Variants in ARB2A observed in about 807,000 individuals in gnomAD.
ARB2A encodes the protein cotranscriptional regulator ARB2A.
the ARB2A span, chr5:93,741,506 C>G: frequency 6.2e-7 from 1 of 1,611,000 alleles, no homozygotes; most frequent in Non-Finnish European, 8.5e-7. Context: ...CCTCTGGGGC[C>G]GCCCCCACCA....
chr5:93,974,630 A>G, the ARB2A span, among the ~76,000 whole-genome samples: 4 of 152,222 alleles, frequency 2.6e-5, no homozygotes, highest in Non-Finnish European at 4.4e-5. Context: ...ACTCCACCCA[A>G]CAACAACAAA....
chr5:93,696,107 C>T, the ARB2A span, among the ~76,000 whole-genome samples: 2 of 152,012 alleles, frequency 1.3e-5, no homozygotes, highest in African/African-American at 4.8e-5. Flanking sequence ...ATGGGTGCAG[C>T]AAACCACCGT....
At chr5:93,942,560 A>G in the ARB2A span, among the ~76,000 whole-genome samples, 1 of 151,892 alleles carries the variant, frequency 6.6e-6, no homozygotes, top group Non-Finnish European at 1.5e-5. Flanking sequence ...CATTCAAAGG[A>G]GCTGCTTGCA....
chr5:93,928,960 A>G, the ARB2A span, among the ~76,000 whole-genome samples: 1 of 152,084 alleles, frequency 6.6e-6, no homozygotes, highest in Non-Finnish European at 1.5e-5. Context: ...ACTTCAATGT[A>G]CCACGAAGTC....
chr5:93,751,092 T>A, the ARB2A span, among the ~76,000 whole-genome samples: 2 of 152,162 alleles, frequency 1.3e-5, no homozygotes, highest in Non-Finnish European at 2.9e-5. Context: ...TTAAAAAGTC[T>A]CATTTATAGA....
chr5:93,824,925 G>A, the ARB2A span, among the ~76,000 whole-genome samples: 1 of 152,158 alleles, frequency 6.6e-6, no homozygotes, highest in Non-Finnish European at 1.5e-5. Flanking sequence ...AAAATGCCTT[G>A]GGCATCCCCC....
At chr5:93,948,173 T>G in the ARB2A span, among the ~76,000 whole-genome samples, 2 of 152,282 alleles carry the variant, frequency 1.3e-5, no homozygotes, top group South Asian at 2.1e-4. Flanking sequence ...CTCCAGCACC[T>G]GTTGTTTCCT....
chr5:94,032,468 A>G, the ARB2A span, among the ~76,000 whole-genome samples: 3 of 152,198 alleles, frequency 2.0e-5, no homozygotes, highest in East Asian at 5.8e-4. Flanking sequence ...GTGCTAAACC[A>G]TTCAGGAGAA....
chr5:93,917,551 GA>G, the ARB2A span, among the ~76,000 whole-genome samples: 5 of 151,380 alleles, frequency 3.3e-5, no homozygotes, highest in African/African-American at 9.7e-5. Flanking sequence ...TTACTGCAAA[GA>G]AAAAAAAATT....
At chr5:93,802,769 A>G in the ARB2A span, among the ~76,000 whole-genome samples, 1 of 152,144 alleles carries the variant, frequency 6.6e-6, no homozygotes, top group Non-Finnish European at 1.5e-5. Context: ...GCCATTTACA[A>G]TAAATTCTGG....
chr5:94,085,017 T>A, the ARB2A span, among the ~76,000 whole-genome samples: 1 of 152,126 alleles, frequency 6.6e-6, no homozygotes, highest in Non-Finnish European at 1.5e-5. Flanking sequence ...AGTCCGACAA[T>A]ACCAAAAGTT....
the ARB2A span, among the ~76,000 whole-genome samples, chr5:93,730,794 TA>T: frequency 1.2e-4 from 18 of 152,262 alleles, no homozygotes; most frequent in Admixed American, 1.0e-3. Context: ...TATCAAAATA[TA>T]AAAATTTTCT....
At chr5:93,874,056 A>G in the ARB2A span, among the ~76,000 whole-genome samples, 1 of 152,184 alleles carries the variant, frequency 6.6e-6, no homozygotes, top group Admixed American at 6.5e-5. Flanking sequence ...TTCCAGTTGA[A>G]CTGTATCAAT....
At chr5:93,689,338 C>A in the ARB2A span, among the ~76,000 whole-genome samples, 1 of 152,112 alleles carries the variant, frequency 6.6e-6, no homozygotes, top group Non-Finnish European at 1.5e-5. Context: ...TCCTTAGCAC[C>A]TAGTATAGAA....
the ARB2A span, among the ~76,000 whole-genome samples, chr5:94,040,629 T>G: frequency 3.3e-5 from 5 of 152,132 alleles, no homozygotes; most frequent in African/African-American, 1.2e-4. Context: ...TGCAATAGTT[T>G]GCTGAGAATG....
At chr5:93,885,634 G>T in the ARB2A span, among the ~76,000 whole-genome samples, 1 of 151,494 alleles carries the variant, frequency 6.6e-6, no homozygotes, top group African/African-American at 2.4e-5. Flanking sequence ...TAGAAATTAA[G>T]GTGATCAAGA....
chr5:93,759,119 C>T, the ARB2A span, among the ~76,000 whole-genome samples: 2 of 152,052 alleles, frequency 1.3e-5, no homozygotes, highest in Non-Finnish European at 2.9e-5. Context: ...ACTATGAACA[C>T]CTTTATGCAC....
At chr5:93,920,421 G>C in the ARB2A span, among the ~76,000 whole-genome samples, 1 of 152,106 alleles carries the variant, frequency 6.6e-6, no homozygotes, top group Non-Finnish European at 1.5e-5. Flanking sequence ...ATATGGGTTT[G>C]AACTGTGTGG....
At chr5:93,805,105 A>T in the ARB2A span, 3 of 974,684 alleles carry the variant, frequency 3.1e-6, no homozygotes, top group Non-Finnish European at 3.7e-6. Context: ...TGGTGTTATT[A>T]GAAATTCTCA....
Sources: allele counts gnomAD v4.1 joint callset (sites outside exome capture counted in the v4.1 genomes callset), GRCh38; gene constraint gnomAD v4.1.1; transcripts MANE v1.5; gene names NCBI Gene and HGNC (gene_info 2026-07-23, HGNC 2026-07-21).